TASOR2: variants seen among roughly 807,000 people sequenced by gnomAD.
TASOR2 encodes transcription activation suppressor family member 2.
TASOR2 carries 84 observed loss-of-function variants against 199.5 expected under a neutral mutation model. That is an observed-to-expected ratio of 0.42 (90% confidence interval 0.35 to 0.50). TASOR2 has a LOEUF of 0.50. Ranked by LOEUF, TASOR2 falls within the 20% of genes least tolerant of loss-of-function variation. TASOR2 has a pLI of 0.02. For synonymous variants in TASOR2, 1,103 were observed against 1,046.6 expected (o/e 1.05, Z -1.04); for missense variants, 2,796 against 2,835.9 (o/e 0.99, Z 0.32).
intron 18 of TASOR2, among the ~76,000 whole-genome samples, chr10:5,760,413 A>G (rs1488722036): frequency 6.6e-6 from 1 of 152,240 alleles, no homozygotes; most frequent in African/African-American, 2.4e-5. Context: ...AGAACTCATT[A>G]GAAAACTCTT....
At chr10:5,726,557 A>T (rs1355366563) in intron 8 of TASOR2, among the ~76,000 whole-genome samples, 1 of 152,228 alleles carries the variant, frequency 6.6e-6, no homozygotes, top group Non-Finnish European at 1.5e-5. Flanking sequence ...ACATGGTAAC[A>T]TATTGGCTGT....
chr10:5,726,782 TTTTTC>T, intron 8 of TASOR2, 98 bp from the exon 10 acceptor site: 1 of 986,372 alleles, frequency 1.0e-6, no homozygotes. Flanking sequence ...TTTGCAGAAT[TTTTTC>T]TTTTCTTGAG....
chr10:5,734,208 G>A (rs1343156823), intron 11 of TASOR2, among the ~76,000 whole-genome samples: 1 of 152,174 alleles, frequency 6.6e-6, no homozygotes, highest in African/African-American at 2.4e-5. Flanking sequence ...TTTCTGTTGT[G>A]CATTATAAGC....
In TASOR2 at chr10:5,702,740, C is replaced by T. The variant is rs113000034; in HGVS notation, c.-287-10083C>T. Among the ~76,000 whole-genome samples the T allele has an allele frequency of 2.5e-3, 367 of 147,858 alleles. 2 individuals are homozygous for T. The highest frequency in any genetic ancestry group is 8.8e-3 in the African/African-American group (351 of 39,872). ...GAGCCCCAAAAAAGAAAACCGATTC[C>T]GTAGAATACATAATTTAAAGTATAA... On this transcript the variant is annotated intron_variant, in intron 1 of 20. Coordinates refer to ENST00000328090, the Ensembl canonical transcript of TASOR2.
chr10:5,762,884 C>T, intron 20 of TASOR2, 145 bp from the exon 22 acceptor site: 1 of 713,594 alleles, frequency 1.4e-6, no homozygotes, highest in African/African-American at 1.9e-5. Context: ...TGCATTTTCA[C>T]TTGCTGTTAA....
chr10:5,731,552 G>A (rs567279410), intron 11 of TASOR2, among the ~76,000 whole-genome samples: 1 of 152,274 alleles, frequency 6.6e-6, no homozygotes, highest in East Asian at 1.9e-4. Context: ...TGTTGTATTC[G>A]ATCCCTCTGC....
chr10:5,735,217 A>AAAAAC, intron 11 of TASOR2, 87 bp from the exon 13 acceptor site: 4 of 1,504,278 alleles, frequency 2.7e-6, no homozygotes, highest in Non-Finnish European at 3.6e-6. Flanking sequence ...TCCCCAAAAT[A>AAAAAC]AAAACAAAAC....
At position 5,712,905 on chromosome 10, in the gene TASOR2, AT is replaced by A. The variant is rs1832098775; in HGVS notation, c.-204del. Reference sequence around the variant, plus strand: ...GACACTTACGGGTTTCTTCTGTTTGATACTGAAAAGCAGGTAAGGGAATTAG... The same window carrying A: ...GACACTTACGGGTTTCTTCTGTTTGAACTGAAAAGCAGGTAAGGGAATTAG... On this transcript the variant is annotated 5_prime_UTR_variant, in exon 2 of 21. Coordinates refer to ENST00000328090, the Ensembl canonical transcript of TASOR2. 7 of 1,229,592 alleles carry A rather than the reference AT, an allele frequency of 5.7e-6. No homozygotes were observed. The East Asian group carries it at 2.2e-4, about 39-fold the overall frequency. 76.2% of individuals were successfully genotyped at this position (1,229,592 alleles called of 1,614,324 possible).
chr10:5,755,606 G>A (rs970137859), intron 15 of TASOR2, among the ~76,000 whole-genome samples: 2 of 151,914 alleles, frequency 1.3e-5, no homozygotes, highest in African/African-American at 4.8e-5. Flanking sequence ...ACAGATCAAA[G>A]TAACACTTCA....
chr10:5,748,056 G>A lies in TASOR2; in HGVS notation c.4635G>A (p.Leu1545=). ...ACTTCAGTCCTTCTCCTGAAAAACT[G>A]GTAAAATCAGGAAATCCATTGCAGC... The change falls in exon 15 of 21, where the codon CTG becomes CTA. Residue 1545 remains leucine (L), a synonymous_variant. Coordinates refer to ENST00000328090, the Ensembl canonical transcript of TASOR2. The surrounding 1 kb of genome is among the most constrained non-coding windows in gnomAD (Gnocchi z 5.1). 1.2e-6 allele frequency: 2 copies of A among 1,614,148 alleles called. No individual in the cohort carries two copies. Among genetic ancestry groups the A allele is most frequent in the Middle Eastern group, 3.3e-4 (2 of 6,060 alleles).
chr10:5,761,410 G>T (rs1839812852), exon 19 of TASOR2: 6 of 1,613,806 alleles, frequency 3.7e-6, no homozygotes, highest in Non-Finnish European at 5.1e-6. Context: ...CAGAAATTCT[G>T]AAATGTTTGC....
At chr10:5,762,675 A>G (rs772119379) in intron 20 of TASOR2, 29 bp downstream of exon 21, 2 of 1,009,390 alleles carry the variant, frequency 2.0e-6, no homozygotes, top group East Asian at 2.5e-5. Flanking sequence ...TAACTTTCCC[A>G]TGTGAGTTGG....
intron 2 of TASOR2, 56 bp downstream of exon 2, chr10:5,712,974 T>C: frequency 1.2e-6 from 1 of 851,684 alleles, no homozygotes; most frequent in East Asian, 3.4e-5. Flanking sequence ...AGTATTGTGG[T>C]ACTTCAGTTC....
Position 5,698,502 on chromosome 10 carries a change from A to G in TASOR2, c.-288+13327A>G, listed in dbSNP as rs1465068464. 6.6e-6 allele frequency among the ~76,000 whole-genome samples: 1 copy of G among 152,232 alleles called. No homozygotes were observed. Among genetic ancestry groups the G allele is most frequent in the Non-Finnish European group, 1.5e-5 (1 of 68,028 alleles). On this transcript the variant is annotated intron_variant, in intron 1 of 20. Transcript: ENST00000328090. This position sits in a 1 kb window ranked among gnomAD's most constrained non-coding sequence, Gnocchi z 4.4. ...TACAGACGATATTTTTCAAAACAAT[A>G]TTAGCAGAAAATAAATCACAAGTGG...
At chr10:5,739,719 G>T in exon 13 of TASOR2, 2 of 1,614,122 alleles carry the variant, frequency 1.2e-6, no homozygotes, top group Non-Finnish European at 1.7e-6. Context: ...TACCACAGCG[G>T]CTCACAATGA....
exon 15 of TASOR2, chr10:5,747,198 T>C: frequency 6.2e-7 from 1 of 1,614,044 alleles, no homozygotes. Flanking sequence ...ATTCAGTATT[T>C]ATCAAACAAA....
chr10:5,725,709 A>T (rs1349579071), intron 8 of TASOR2, among the ~76,000 whole-genome samples: 1 of 152,074 alleles, frequency 6.6e-6, no homozygotes, highest in Non-Finnish European at 1.5e-5. Context: ...TGAGCCTGGG[A>T]GTTCAAGGAT....
intron 12 of TASOR2, among the ~76,000 whole-genome samples, chr10:5,735,948 G>C (rs916748114): frequency 2.6e-5 from 4 of 152,266 alleles, no homozygotes; most frequent in Non-Finnish European, 5.9e-5. Flanking sequence ...GTCCAAAACT[G>C]TCAGTAATCC....
chr10:5,720,962 A>G lies in TASOR2; in HGVS notation c.138A>G (p.Pro46=). ...GGTCCACTTACGGTGCAATGATTCCAACACAGCTGTAAGTATTAAATGTTA... is the reference window on the plus strand; with the variant it reads ...GGTCCACTTACGGTGCAATGATTCCGACACAGCTGTAAGTATTAAATGTTA... Residue 46 remains proline, a synonymous_variant, in exon 6 of 21, where the codon CCA becomes CCG. Coordinates refer to ENST00000328090, the Ensembl canonical transcript of TASOR2. The surrounding 1 kb of genome is among the most constrained non-coding windows in gnomAD (Gnocchi z 5.3). The G allele has an allele frequency of 6.2e-7, 1 of 1,611,048 alleles. No individual in the cohort carries two copies. The highest frequency in any genetic ancestry group is 8.5e-7 in the Non-Finnish European group (1 of 1,178,328).
Sources: gnomAD v4.1 joint callset for allele counts (sites outside exome capture counted in the v4.1 genomes callset) on GRCh38, gnomAD v4.1.1 for gene constraint, Gnocchi (gnomAD v3.1) non-coding constraint, MANE v1.5 for transcripts, NCBI Gene and HGNC (gene_info 2026-07-23, HGNC 2026-07-21) for gene names.